Variants in WASHC2C observed in about 807,000 individuals in gnomAD.
The protein encoded by WASHC2C is Vaccinia Penetration Factor.
A neutral mutation model predicts 142.2 loss-of-function variants in WASHC2C; 73 were observed. The ratio of observed to expected loss-of-function variants is 0.51; its 90% confidence interval spans 0.43 to 0.62. The LOEUF is 0.62. Ranked by LOEUF, WASHC2C falls within the 20% of genes least tolerant of loss-of-function variation. The pLI, the probability that WASHC2C is intolerant of heterozygous loss-of-function variation, is 0.00. For synonymous variants in WASHC2C, 337 were observed against 565.5 expected (o/e 0.60, Z 5.73); for missense variants, 969 against 1,531.7 (o/e 0.63, Z 6.13).
At chr10:45,786,006 G>C (rs1247533760) in intron 26 of WASHC2C, 7 of 275,428 alleles carry the variant, frequency 2.5e-5, no homozygotes, top group Non-Finnish European at 4.2e-5. Context: ...CCTGCTCTCA[G>C]TGTTGCCTCT....
At chr10:45,739,523 G>T (rs1304668185) in intron 4 of WASHC2C, among the ~76,000 whole-genome samples, 1 of 151,774 alleles carries the variant, frequency 6.6e-6, no homozygotes, top group Non-Finnish European at 1.5e-5. Context: ...GGGCATTGTT[G>T]TAGGGTATAC....
At chr10:45,753,443 G>A (rs564453922) in intron 13 of WASHC2C, among the ~76,000 whole-genome samples, 1,907 of 140,400 alleles carry the variant, frequency 0.014, 76 homozygotes, top group African/African-American at 0.05. Context: ...CCATACCACA[G>A]TCTTGCCTCT....
chr10:45,750,790 G>C lies in WASHC2C; in HGVS notation c.883G>C (p.Ala295Pro). Residue 295 changes from alanine to proline, a missense_variant, in exon 10 of 31, where the codon GCC becomes CCC. Ala to Pro is a conservative substitution (Grantham distance 27). Coordinates refer to ENST00000623400, the MANE Select transcript of WASHC2C (RefSeq NM_001330074.2). ...TACATCGTTTGCAGATGAGCTGGCT[G>C]CCCGCATCAAGGGGGATGCCATGGG... ...RPTSFADELA[A>P]RIKGDAMGRV... 1 of 1,548,914 alleles carries C rather than the reference G, an allele frequency of 6.5e-7. No individual in the cohort carries two copies. The highest frequency in any genetic ancestry group is 8.7e-7 in the Non-Finnish European group (1 of 1,147,152).
chr10:45,740,785 A>G (rs1332336476), intron 5 of WASHC2C, among the ~76,000 whole-genome samples: 1 of 152,236 alleles, frequency 6.6e-6, no homozygotes, highest in African/African-American at 2.4e-5. Context: ...CTCATAGCCT[A>G]GTGAGTGTTG....
At position 45,737,995 on chromosome 10, in the gene WASHC2C, G is replaced by A; in HGVS notation, c.304G>A (p.Glu102Lys). The A allele has an allele frequency of 6.2e-7, 1 of 1,611,648 alleles. No individual in the cohort carries two copies. Among genetic ancestry groups the A allele is most frequent in the Non-Finnish European group, 8.5e-7 (1 of 1,179,808 alleles). The change falls in exon 4 of 31, where the codon GAA becomes AAA. Residue 102 changes from glutamate to lysine, a missense_variant. Transcript: ENST00000623400. ...CTTCCATATTTAGCGTGTATATGAT[G>A]AAGAAGTGGAGGAGCCAGTACTCAA... ...TQFIENRVYDEEVEEPVLKAE... is the reference protein window; with the variant it reads ...TQFIENRVYDKEVEEPVLKAE...
chr10:45,753,462 A>C (rs1554875739), intron 13 of WASHC2C, among the ~76,000 whole-genome samples: 1 of 138,214 alleles, frequency 7.2e-6, no homozygotes, highest in Non-Finnish European at 1.5e-5. Flanking sequence ...CTTTGTTAGG[A>C]GAGAACTCAT....
intron 26 of WASHC2C, chr10:45,785,975 T>C: frequency 3.3e-6 from 1 of 302,654 alleles, no homozygotes; most frequent in Non-Finnish European, 6.2e-6. Context: ...GAAATAAATA[T>C]AAATTACATC....
chr10:45,751,672 C>G, intron 11 of WASHC2C, 119 bp downstream of exon 11: 10 of 1,448,378 alleles, frequency 6.9e-6, no homozygotes, highest in Non-Finnish European at 9.4e-6. Context: ...GGGTCTGTCT[C>G]CATTTACTTT....
intron 8 of WASHC2C, among the ~76,000 whole-genome samples, chr10:45,749,836 A>AAAATATATATATATATATATATATATAT (rs1227809519): frequency 9.8e-6 from 1 of 101,780 alleles, no homozygotes; most frequent in African/African-American, 4.4e-5. Flanking sequence ...AAAAAAAAAA[A>AAAATATATATATATATATATATATATAT]ATATATATAT....
At chr10:45,742,611 C>T (rs879957239) in intron 5 of WASHC2C, among the ~76,000 whole-genome samples, 72 of 152,226 alleles carry the variant, frequency 4.7e-4, no homozygotes, top group Admixed American at 1.4e-3. Flanking sequence ...CCACTGTGCC[C>T]GGCCTAATCT....
chr10:45,769,568 T>C lies in WASHC2C; in HGVS notation c.1989T>C (p.Ser663=), dbSNP rs1372117160. ...AGGCCAAGGCTGTGAAAAAGACCAGTCTCTTTGAGGAAGACAAAGAAGATG... is the reference window on the plus strand; with the variant it reads ...AGGCCAAGGCTGTGAAAAAGACCAGCCTCTTTGAGGAAGACAAAGAAGATG... ...SQEAKAVKKT[S]LFEEDKEDDL... Residue 663 remains serine (S), a synonymous_variant, in exon 20 of 31, where the codon AGT becomes AGC. Transcript: ENST00000623400. The C allele has an allele frequency of 6.2e-7, 1 of 1,611,696 alleles. No homozygotes were observed. The highest frequency in any genetic ancestry group is 8.5e-7 in the Non-Finnish European group (1 of 1,179,850).
intron 17 of WASHC2C, among the ~76,000 whole-genome samples, chr10:45,761,861 G>A (rs1554880119): frequency 6.6e-6 from 1 of 152,196 alleles, no homozygotes. Context: ...GAGGGGCACG[G>A]GATGCCTGGA....
At chr10:45,771,795 T>C (rs1341337483) in intron 20 of WASHC2C, 1 of 166,672 alleles carries the variant, frequency 6.0e-6, no homozygotes, top group East Asian at 1.9e-4. Context: ...CATACACTGC[T>C]GGTGGGAACG....
At chr10:45,733,931 G>A (rs1450804485) in intron 3 of WASHC2C, among the ~76,000 whole-genome samples, 2 of 152,098 alleles carry the variant, frequency 1.3e-5, no homozygotes, top group Non-Finnish European at 2.9e-5. Context: ...AGGCTTAAAA[G>A]AATTGAACCT....
chr10:45,791,430 AAT>A (rs1365075852), intron 30 of WASHC2C, among the ~76,000 whole-genome samples: 1 of 147,818 alleles, frequency 6.8e-6, no homozygotes, highest in African/African-American at 2.5e-5. Flanking sequence ...CAGTGATATT[AAT>A]ATATGTTTGT....
intron 23 of WASHC2C, among the ~76,000 whole-genome samples, chr10:45,780,882 T>A (rs1380891928): frequency 6.6e-6 from 1 of 151,652 alleles, no homozygotes; most frequent in African/African-American, 2.4e-5. Context: ...GCCTCCTGAG[T>A]AGCTGGGATT....
intron 20 of WASHC2C, among the ~76,000 whole-genome samples, chr10:45,772,422 A>G (rs185131054): frequency 1.3e-5 from 2 of 152,340 alleles, no homozygotes; most frequent in African/African-American, 2.4e-5. Flanking sequence ...ACGCACTTTA[A>G]AAGAGTGAAT....
Position 45,786,951 on chromosome 10 carries a change from T to C in WASHC2C, c.2875-84T>C, listed in dbSNP as rs200055308. 141 of 1,611,878 alleles carry C rather than the reference T, an allele frequency of 8.7e-5. No homozygotes were observed. The East Asian group carries it at 1.8e-3, about 21-fold the overall frequency. ...CTCCTCTCGTATTATACATTATGTG[T>C]ACCGAATCTTGTCATGTGTCACAAT... On this transcript the variant is annotated intron_variant, in intron 27 of 30. Coordinates refer to ENST00000623400, the MANE Select transcript of WASHC2C (RefSeq NM_001330074.2).
Position 45,765,732 on chromosome 10 carries a change from T to C in WASHC2C, c.1791T>C (p.Ala597=). ...AAKKQTLSLQ[A]QREEKAKASE... ...AGAAGCAGACATTGTCTCTACAAGC[T>C]CAGAGAGAAGAGAAAGCAAAAGCCT... Residue 597 remains alanine (A), a synonymous_variant, in exon 19 of 31, where the codon GCT becomes GCC. Transcript: ENST00000623400. The C allele has an allele frequency of 6.2e-7, 1 of 1,611,966 alleles. No homozygotes were observed. Among genetic ancestry groups the C allele is most frequent in the Non-Finnish European group, 8.5e-7 (1 of 1,179,860 alleles).
Sources: gnomAD v4.1 joint callset for allele counts (sites outside exome capture counted in the v4.1 genomes callset) on GRCh38, gnomAD v4.1.1 for gene constraint, MANE v1.5 for transcripts, NCBI Gene and HGNC (gene_info 2026-07-23, HGNC 2026-07-21) for gene names.